MACROD2: variants seen among roughly 807,000 people sequenced by gnomAD.
MACROD2 encodes ADP-ribose glycohydrolase MACROD2.
Under a neutral mutation model 70.4 loss-of-function variants are expected in MACROD2, and 36 were observed. That is an observed-to-expected ratio of 0.51 (90% CI 0.39 to 0.68). MACROD2 has a LOEUF of 0.68. MACROD2 is among the 30% of genes least tolerant of loss of function. The probability of loss-of-function intolerance (pLI) is 0.00; values close to 1 mark genes in which losing one functional copy is unlikely to be tolerated. For synonymous variants in MACROD2, 172 were observed against 178.8 expected (o/e 0.96, Z 0.30); for missense variants, 496 against 538.4 (o/e 0.92, Z 0.78).
At chr20:15,104,381 C>G (rs904097761) in intron 5 of MACROD2, among the ~76,000 whole-genome samples, 12 of 152,192 alleles carry the variant, frequency 7.9e-5, no homozygotes, top group Middle Eastern at 6.8e-3. Context: ...CATATCAGGT[C>G]CTGTTTTCAG....
chr20:14,593,640 T>C (rs1207045645), intron 4 of MACROD2, among the ~76,000 whole-genome samples: 2 of 152,226 alleles, frequency 1.3e-5, no homozygotes, highest in Non-Finnish European at 1.5e-5. Context: ...TGTTCAGTTT[T>C]ACCAATTTTA....
At chr20:14,988,232 C>T (rs897691147) in intron 5 of MACROD2, among the ~76,000 whole-genome samples, 4 of 151,348 alleles carry the variant, frequency 2.6e-5, no homozygotes, top group African/African-American at 9.7e-5. Context: ...GGCGAGGTGG[C>T]GTACACCTAT....
At chr20:14,853,823 T>C (rs1221068454) in intron 5 of MACROD2, among the ~76,000 whole-genome samples, 1 of 152,142 alleles carries the variant, frequency 6.6e-6, no homozygotes, top group African/African-American at 2.4e-5. Flanking sequence ...TTTTGTTTTG[T>C]TTTGTTTTGT....
intron 15 of MACROD2, among the ~76,000 whole-genome samples, chr20:16,015,953 AGGTGTGAG>A (rs1355795868): frequency 6.6e-6 from 1 of 151,802 alleles, no homozygotes. Context: ...TTTGGTTTGG[AGGTGTGAG>A]GGTGTGAGGG....
intron 5 of MACROD2, among the ~76,000 whole-genome samples, chr20:15,165,284 C>T (rs1214856226): frequency 6.6e-6 from 1 of 152,058 alleles, no homozygotes; most frequent in African/African-American, 2.4e-5. Flanking sequence ...GGTAAAACCC[C>T]ATCTCTACTA....
chr20:14,979,189 G>A (rs1419121342), intron 5 of MACROD2, among the ~76,000 whole-genome samples: 1 of 150,964 alleles, frequency 6.6e-6, no homozygotes, highest in African/African-American at 2.4e-5. Context: ...CAAATTCCTA[G>A]CCTCAAAAGA....
At chr20:14,575,017 CAAAAAAAAAA>C (rs1195216470) in intron 4 of MACROD2, among the ~76,000 whole-genome samples, 3,915 of 49,924 alleles carry the variant, frequency 0.078, 88 homozygotes, top group Middle Eastern at 0.18. Flanking sequence ...GACTCTGTCT[CAAAAAAAAAA>C]AAAAAAAAAA....
intron 8 of MACROD2, among the ~76,000 whole-genome samples, chr20:15,601,144 C>A (rs987837800): frequency 2.0e-5 from 3 of 152,206 alleles, no homozygotes; most frequent in Admixed American, 6.5e-5. Flanking sequence ...TTGTTACCTT[C>A]TGTTGAGCAT....
intron 10 of MACROD2, among the ~76,000 whole-genome samples, chr20:15,899,045 T>C (rs762886494): frequency 2.6e-5 from 4 of 151,888 alleles, no homozygotes; most frequent in Non-Finnish European, 4.4e-5. Context: ...TGTACACATG[T>C]ATGTATATAC....
At chr20:14,619,530 G>GGGT (rs1983706054) in intron 4 of MACROD2, among the ~76,000 whole-genome samples, 1 of 128,032 alleles carries the variant, frequency 7.8e-6, no homozygotes. Context: ...GAAGGAGGGA[G>GGGT]GGAAGGAAGG....
chr20:14,271,095 T>C (rs1005091877), intron 3 of MACROD2, among the ~76,000 whole-genome samples: 1 of 152,164 alleles, frequency 6.6e-6, no homozygotes, highest in African/African-American at 2.4e-5. Context: ...AGCAGTAACC[T>C]CTGCAGACTT....
chr20:16,000,135 C>G (rs763713206), intron 15 of MACROD2, among the ~76,000 whole-genome samples: 132 of 152,302 alleles, frequency 8.7e-4, no homozygotes, highest in Non-Finnish European at 1.7e-3. Context: ...AGAACATTTA[C>G]TACCTGGCCC....
chr20:15,576,345 A>G (rs528170379), intron 8 of MACROD2, among the ~76,000 whole-genome samples: 2 of 152,220 alleles, frequency 1.3e-5, no homozygotes, highest in African/African-American at 4.8e-5. Flanking sequence ...CAAGGCAGTA[A>G]TGAGGATACA....
At chr20:14,343,390 A>T (rs767294877) in intron 3 of MACROD2, among the ~76,000 whole-genome samples, 5 of 152,202 alleles carry the variant, frequency 3.3e-5, no homozygotes, top group Non-Finnish European at 7.3e-5. Flanking sequence ...TTATGAAGAC[A>T]GGTATGTGGC....
At chr20:14,401,312 A>T (rs1174836163) in intron 3 of MACROD2, among the ~76,000 whole-genome samples, 1 of 152,134 alleles carries the variant, frequency 6.6e-6, no homozygotes, top group East Asian at 1.9e-4. Flanking sequence ...TTGGGTATAT[A>T]CCCAATAATG....
At chr20:14,733,298 C>G (rs915630141) in intron 5 of MACROD2, among the ~76,000 whole-genome samples, 7 of 152,046 alleles carry the variant, frequency 4.6e-5, no homozygotes, top group Non-Finnish European at 7.4e-5. Flanking sequence ...CTAATTGCAT[C>G]CTTTATATTT....
intron 3 of MACROD2, among the ~76,000 whole-genome samples, chr20:14,087,161 G>A (rs189204146): frequency 1.3e-5 from 2 of 152,000 alleles, no homozygotes; most frequent in Admixed American, 6.6e-5. Flanking sequence ...TTGGGAGGTC[G>A]AATTGGGTAG....
intron 3 of MACROD2, chr20:14,329,143 A>G (rs372061196): frequency 2.1e-4 from 32 of 152,066 alleles, no homozygotes; most frequent in African/African-American, 7.5e-4. Flanking sequence ...CCTGCTGTGA[A>G]ATAGCTATTT....
chr20:15,646,992 C>T lies in MACROD2; in HGVS notation c.645+147145C>T, dbSNP rs142168346. Among the ~76,000 whole-genome samples the T allele has an allele frequency of 4.4e-3, 674 of 152,310 alleles. 5 individuals carry two copies. The highest frequency in any genetic ancestry group is 6.5e-3 in the Non-Finnish European group (444 of 68,028). On this transcript the variant is annotated intron_variant, in intron 8 of 17. Transcript: ENST00000684519. ...TGGCTCCAGAATCCATACTGTGTGT[C>T]CTTCACCTGACCATATTGCATCTCA...
Sources: gnomAD v4.1 joint callset for allele counts (sites outside exome capture counted in the v4.1 genomes callset) on GRCh38, gnomAD v4.1.1 for gene constraint, MANE v1.5 for transcripts, NCBI Gene and HGNC (gene_info 2026-07-23, HGNC 2026-07-21) for gene names.